Variants in LRIG1 observed in about 807,000 individuals in gnomAD.
LRIG1 encodes the protein leucine-rich repeats and immunoglobulin-like domains protein 1.
LRIG1 carries 48 observed loss-of-function variants against 99.2 expected under a neutral mutation model. That is an observed-to-expected ratio of 0.48 (90% confidence interval 0.38 to 0.62). The LOEUF (loss-of-function observed/expected upper bound fraction) is 0.62, where lower values mean the gene tolerates loss of function less well. Among genes scored for constraint, LRIG1 ranks in the 20% least tolerant of loss-of-function variants. The probability of loss-of-function intolerance (pLI) is 0.00; values close to 1 mark genes in which losing one functional copy is unlikely to be tolerated. For synonymous variants in LRIG1, 772 were observed against 596.1 expected, an observed-to-expected ratio of 1.29 and a Z score of -4.30; for missense variants, 1,646 against 1,434.4, an observed-to-expected ratio of 1.15 and a Z score of -2.38.
chr3:66,401,318 G>A (rs969077046), intron 9 of LRIG1, among the ~76,000 whole-genome samples: 5 of 152,182 alleles, frequency 3.3e-5, no homozygotes, highest in Admixed American at 6.5e-5. Context: ...CACCCCGAGC[G>A]CTTCAGAGAG....
intron 3 of LRIG1, among the ~76,000 whole-genome samples, chr3:66,445,482 G>T (rs1480188702): frequency 2.0e-5 from 3 of 152,118 alleles, no homozygotes; most frequent in Non-Finnish European, 4.4e-5. Context: ...TTCCTCCGAA[G>T]GAAGGATGGG....
intron 3 of LRIG1, among the ~76,000 whole-genome samples, chr3:66,434,802 G>A (rs974129979): frequency 9.9e-5 from 15 of 151,004 alleles, no homozygotes; most frequent in Non-Finnish European, 2.1e-4. Flanking sequence ...GCCATAATGT[G>A]GAGAAACGGA....
intron 8 of LRIG1, chr3:66,406,067 A>G: frequency 2.0e-6 from 2 of 986,526 alleles, no homozygotes; most frequent in African/African-American, 3.5e-5. Flanking sequence ...GAGCCCTTGC[A>G]GACACAGGCC....
At chr3:66,486,681 G>A (rs1700982094) in intron 1 of LRIG1, among the ~76,000 whole-genome samples, 1 of 152,172 alleles carries the variant, frequency 6.6e-6, no homozygotes, top group South Asian at 2.1e-4. Context: ...AGTAAGTGTG[G>A]CTATCGTATT....
At chr3:66,385,399 G>A (rs1701323752) in intron 13 of LRIG1, among the ~76,000 whole-genome samples, 1 of 152,210 alleles carries the variant, frequency 6.6e-6, no homozygotes, top group Non-Finnish European at 1.5e-5. Flanking sequence ...TTGGCTTATA[G>A]AGGATAAGAA....
chr3:66,449,804 T>C (rs1014001347), intron 3 of LRIG1, among the ~76,000 whole-genome samples: 2 of 152,242 alleles, frequency 1.3e-5, no homozygotes, highest in Admixed American at 6.5e-5. Context: ...TGGCCCTAGC[T>C]TCCTCACTAT....
rs75513579 is a variant in LRIG1 at position 66,495,787 on chromosome 3, C to A, written c.218+4403G>T. Among the ~76,000 whole-genome samples the A allele has an allele frequency of 5.3e-3, 805 of 152,258 alleles. 2 individuals carry two copies. Among genetic ancestry groups the A allele is most frequent in the African/African-American group, 0.015 (603 of 41,538 alleles). On this transcript the variant is annotated intron_variant, in intron 1 of 18. Coordinates refer to ENST00000273261, the MANE Select transcript of LRIG1 (RefSeq NM_015541.3). The stretch of plus-strand genomic sequence containing the variant: ...GGTGCATTGTTAAGTCACACAAAAC[C>A]CCAGTGCTCTCTCCTGCATTCCTGT...
intron 6 of LRIG1, among the ~76,000 whole-genome samples, chr3:66,412,494 G>C (rs960021852): frequency 6.6e-6 from 1 of 152,232 alleles, no homozygotes; most frequent in African/African-American, 2.4e-5. Context: ...GGATTTCAGT[G>C]GATGTCCCAA....
At chr3:66,434,725 C>A (rs6772980) in intron 3 of LRIG1, among the ~76,000 whole-genome samples, 6,259 of 141,524 alleles carry the variant, frequency 0.044, 423 homozygotes, top group African/African-American at 0.15. Flanking sequence ...CCAGCCTGAG[C>A]AACAGAGCGA....
At chr3:66,475,144 T>C (rs748222955) in intron 1 of LRIG1, among the ~76,000 whole-genome samples, 3 of 152,198 alleles carry the variant, frequency 2.0e-5, no homozygotes, top group Non-Finnish European at 4.4e-5. Context: ...AGCCTAACAC[T>C]TGCTATATAA....
Position 66,432,210 on chromosome 3 carries a change from C to T in LRIG1, c.366-14944G>A, listed in dbSNP as rs1703195195. On this transcript the variant is annotated intron_variant, in intron 3 of 18. Transcript: ENST00000273261. ...TTCCACACAGAACCTCCTCCTGAAC[C>T]CCCTGCCCCCGACACTCTCATGGCA... Among the ~76,000 whole-genome samples, 3 of 152,128 alleles carry T rather than the reference C, an allele frequency of 2.0e-5. No individual in the cohort carries two copies. In the South Asian group the frequency reaches 6.2e-4, roughly 32 times the overall value.
At chr3:66,435,273 G>T (rs191804296) in intron 3 of LRIG1, among the ~76,000 whole-genome samples, 4 of 152,030 alleles carry the variant, frequency 2.6e-5, no homozygotes, top group African/African-American at 7.2e-5. Flanking sequence ...AGTCAACCAG[G>T]GGGGGCTAGG....
chr3:66,404,430 C>A, intron 9 of LRIG1: 1 of 1,196,408 alleles, frequency 8.4e-7, no homozygotes, highest in Admixed American at 3.3e-5. Context: ...CCCCTTCCTG[C>A]ACGGTCCTTG....
rs1352738269 is a variant in LRIG1, at chr3:66,500,953, G to A, written c.-546C>T. On this transcript the variant is annotated 5_prime_UTR_variant, in exon 1 of 19. Coordinates refer to ENST00000273261, the MANE Select transcript of LRIG1 (RefSeq NM_015541.3). ...AGAGCGCGCGCGCGCGCGCAGCCTC[G>A]GGTTCCGCACGGCTCCTCCGCGCAG... 2 of 151,900 alleles carry A rather than the reference G, an allele frequency of 1.3e-5. No homozygotes were observed. The highest frequency in any genetic ancestry group is 2.4e-5 in the African/African-American group (1 of 41,364). The allele number at this position is 151,900 out of a possible 1,614,324, so 9.4% of individuals were successfully genotyped here.
chr3:66,397,630 G>A (rs1333750376), intron 11 of LRIG1, among the ~76,000 whole-genome samples: 2 of 152,256 alleles, frequency 1.3e-5, no homozygotes, highest in East Asian at 3.9e-4. Flanking sequence ...GCTTGGAAAT[G>A]GTATGGGCAG....
intron 13 of LRIG1, among the ~76,000 whole-genome samples, chr3:66,385,353 G>C (rs1411257425): frequency 1.3e-5 from 2 of 152,174 alleles, no homozygotes; most frequent in African/African-American, 4.8e-5. Flanking sequence ...AGCTTCCCCA[G>C]GCTAAGGGGT....
intron 1 of LRIG1, among the ~76,000 whole-genome samples, chr3:66,470,125 C>T (rs1374419875): frequency 6.6e-6 from 1 of 152,092 alleles, no homozygotes; most frequent in Non-Finnish European, 1.5e-5. Context: ...TGAAAATAAT[C>T]GGAGGGCCAG....
At chr3:66,483,304 C>T (rs1700893224) in intron 1 of LRIG1, among the ~76,000 whole-genome samples, 1 of 152,184 alleles carries the variant, frequency 6.6e-6, no homozygotes, top group African/African-American at 2.4e-5. Flanking sequence ...GGATGGAGAT[C>T]CTGCGTGTCT....
intron 1 of LRIG1, among the ~76,000 whole-genome samples, chr3:66,495,743 G>T (rs1701211836): frequency 1.3e-5 from 2 of 152,216 alleles, no homozygotes; most frequent in African/African-American, 4.8e-5. Context: ...GGCTTTAGCA[G>T]GTGCACAGCA....
Sources: gnomAD v4.1 joint callset for allele counts (sites outside exome capture counted in the v4.1 genomes callset) on GRCh38, gnomAD v4.1.1 for gene constraint, MANE v1.5 for transcripts, NCBI Gene and HGNC (gene_info 2026-07-23, HGNC 2026-07-21) for gene names.